ZCCHC7: variants seen among roughly 807,000 people sequenced by gnomAD.
ZCCHC7 encodes the protein zinc finger CCHC-type containing 7, also known as zinc finger CCHC domain-containing protein 7.
Under a neutral mutation model 52.0 loss-of-function variants are expected in ZCCHC7, and 35 were observed. That is an observed-to-expected ratio of 0.67 (90% CI 0.51 to 0.89). ZCCHC7 has a LOEUF of 0.89. Among genes scored for constraint, ZCCHC7 ranks in the 40% least tolerant of loss-of-function variants. The pLI, the probability that ZCCHC7 is intolerant of heterozygous loss-of-function variation, is 0.00. For missense variants in ZCCHC7, 574 were observed against 649.1 expected, an observed-to-expected ratio of 0.88 and a Z score of 1.26; for synonymous variants, 217 against 221.5, an observed-to-expected ratio of 0.98 and a Z score of 0.18.
chr9:37,255,810 G>A (rs547500062), intron 2 of ZCCHC7, among the ~76,000 whole-genome samples: 2 of 152,274 alleles, frequency 1.3e-5, no homozygotes, highest in South Asian at 2.1e-4. Context: ...TAGATGACTT[G>A]TGGTAGGTTC....
At chr9:37,337,274 C>T (rs1830715415) in intron 6 of ZCCHC7, among the ~76,000 whole-genome samples, 1 of 152,050 alleles carries the variant, frequency 6.6e-6, no homozygotes, top group African/African-American at 2.4e-5. Context: ...GTGGCTCAGC[C>T]TCATATATGG....
intron 2 of ZCCHC7, among the ~76,000 whole-genome samples, chr9:37,212,100 A>G (rs923767449): frequency 1.4e-4 from 20 of 142,580 alleles, no homozygotes; most frequent in Admixed American, 9.8e-4. Context: ...GGATGATTTT[A>G]CCTCCCAGGA....
chr9:37,356,272 AT>A (rs201032624), intron 8 of ZCCHC7, among the ~76,000 whole-genome samples: 7,749 of 152,210 alleles, frequency 0.051, 647 homozygotes, highest in African/African-American at 0.17. Flanking sequence ...CTGACAAAAC[AT>A]TAACATCAGC....
rs78215982 is a variant in ZCCHC7, at chr9:37,188,282, G to A, written c.610+61340G>A. ...CCTGCCTCCACCTTCAGAATAGCTG[G>A]AACTACAGATGTGTGCCATCATGCC... is the stretch of plus-strand genomic sequence containing the variant. On this transcript the variant is annotated intron_variant, in intron 2 of 8. Coordinates refer to ENST00000336755, the MANE Select transcript of ZCCHC7 (RefSeq NM_032226.3). 7.2e-5 allele frequency among the ~76,000 whole-genome samples: 11 copies of A among 152,116 alleles called. No homozygotes were observed. The East Asian group carries it at 1.5e-3, about 21-fold the overall frequency.
At chr9:37,215,793 G>T (rs1824469705) in intron 2 of ZCCHC7, among the ~76,000 whole-genome samples, 1 of 152,104 alleles carries the variant, frequency 6.6e-6, no homozygotes, top group Non-Finnish European at 1.5e-5. Flanking sequence ...ACTTGTTTAA[G>T]ATTAAAATAA....
chr9:37,153,133 A>T (rs987611521), intron 2 of ZCCHC7, among the ~76,000 whole-genome samples: 8 of 151,624 alleles, frequency 5.3e-5, no homozygotes, highest in Non-Finnish European at 1.2e-4. Flanking sequence ...TTTATTTTTT[A>T]AAATTTTATT....
chr9:37,144,532 A>G (rs534194813), intron 2 of ZCCHC7, among the ~76,000 whole-genome samples: 27 of 151,940 alleles, frequency 1.8e-4, no homozygotes, highest in African/African-American at 6.5e-4. Flanking sequence ...TATACATGAT[A>G]TTTTTCTTTT....
At chr9:37,232,530 GC>G (rs1384970043) in intron 2 of ZCCHC7, among the ~76,000 whole-genome samples, 1 of 152,124 alleles carries the variant, frequency 6.6e-6, no homozygotes, top group African/African-American at 2.4e-5. Context: ...AGCAAACTAT[GC>G]CCCATAGGCC....
At chr9:37,213,644 G>T (rs17487601) in intron 2 of ZCCHC7, among the ~76,000 whole-genome samples, 1 of 151,924 alleles carries the variant, frequency 6.6e-6, no homozygotes, top group Non-Finnish European at 1.5e-5. Context: ...AAGGCAGATG[G>T]TATAAGAATA....
chr9:37,176,447 A>G lies in ZCCHC7; in HGVS notation c.610+49505A>G, dbSNP rs1026925967. Among the ~76,000 whole-genome samples the G allele has an allele frequency of 2.6e-5, 4 of 152,164 alleles. 1 individual carries two copies. The highest frequency in any genetic ancestry group is 7.2e-5 in the African/African-American group (3 of 41,432). The stretch of plus-strand genomic sequence containing the variant: ...CCACCCTATAGATTGTTGCTTCAGT[A>G]CAGAAATGAGTCCCACATTTAAAAG... On this transcript the variant is annotated intron_variant, in intron 2 of 8. Coordinates refer to ENST00000336755, the MANE Select transcript of ZCCHC7 (RefSeq NM_032226.3).
At chr9:37,158,117 C>T (rs1250987076) in intron 2 of ZCCHC7, among the ~76,000 whole-genome samples, 1 of 152,106 alleles carries the variant, frequency 6.6e-6, no homozygotes, top group East Asian at 1.9e-4. Context: ...CCTGTAGCAT[C>T]GGTATGTTTT....
At chr9:37,256,705 T>G (rs1393934425) in intron 2 of ZCCHC7, among the ~76,000 whole-genome samples, 1 of 151,974 alleles carries the variant, frequency 6.6e-6, no homozygotes, top group African/African-American at 2.4e-5. Context: ...ACCCATTCAT[T>G]ATGTTACAAA....
rs550459100 is a variant in ZCCHC7 at position 37,155,218 on chromosome 9, G to A, written c.610+28276G>A. Among the ~76,000 whole-genome samples the A allele has an allele frequency of 1.1e-3, 165 of 152,148 alleles. 1 individual carries two copies. The highest frequency in any genetic ancestry group is 8.7e-4 in the Non-Finnish European group (59 of 67,998). ...TACTAAAAATACAAAAAAATTAGCC[G>A]GGCGTGGTGGTGGGCGCACGTAGTC... On this transcript the variant is annotated intron_variant, in intron 2 of 8. Transcript: ENST00000336755.
intron 2 of ZCCHC7, among the ~76,000 whole-genome samples, chr9:37,203,769 T>C (rs1249723683): frequency 6.6e-6 from 1 of 152,212 alleles, no homozygotes; most frequent in Admixed American, 6.5e-5. Flanking sequence ...AGTAAACATA[T>C]GTGTGCCTGC....
At chr9:37,261,497 A>G (rs1826865218) in intron 2 of ZCCHC7, among the ~76,000 whole-genome samples, 1 of 152,160 alleles carries the variant, frequency 6.6e-6, no homozygotes, top group African/African-American at 2.4e-5. Flanking sequence ...ATCACTTCCT[A>G]ACTGATGTGC....
chr9:37,282,174 C>A (rs144077839), intron 2 of ZCCHC7, among the ~76,000 whole-genome samples: 1 of 152,286 alleles, frequency 6.6e-6, no homozygotes. Context: ...TTAATAGTTT[C>A]AGTTTTGCCA....
chr9:37,337,296 A>C (rs1830716420), intron 6 of ZCCHC7, among the ~76,000 whole-genome samples: 1 of 151,834 alleles, frequency 6.6e-6, no homozygotes, highest in Non-Finnish European at 1.5e-5. Flanking sequence ...TTTTAAATGC[A>C]CTGTGTATTT....
At chr9:37,311,834 TGA>T (rs1829618836) in intron 5 of ZCCHC7, among the ~76,000 whole-genome samples, 2 of 152,246 alleles carry the variant, frequency 1.3e-5, no homozygotes, top group Admixed American at 6.5e-5. Context: ...AACATACACG[TGA>T]GTGCTCAATG....
chr9:37,352,884 C>T (rs561266789), intron 7 of ZCCHC7, among the ~76,000 whole-genome samples: 6 of 151,698 alleles, frequency 4.0e-5, no homozygotes, highest in South Asian at 4.2e-4. Flanking sequence ...ACCCTCCCCC[C>T]GACAAAAAAA....
Sources: allele counts gnomAD v4.1 joint callset (sites outside exome capture counted in the v4.1 genomes callset), GRCh38; gene constraint gnomAD v4.1.1; transcripts MANE v1.5; gene names NCBI Gene and HGNC (gene_info 2026-07-23, HGNC 2026-07-21).